Variants in SCD5 observed in about 807,000 individuals in gnomAD.
The protein encoded by SCD5 is acyl-CoA-desaturase 4.
In SCD5, 20 loss-of-function variants were observed where a neutral mutation model predicts 30.4. The observed-to-expected ratio is 0.66, with a 90% CI of 0.46 to 0.96. SCD5 has a LOEUF of 0.96. Ranked by LOEUF, SCD5 falls within the 40% of genes least tolerant of loss-of-function variation. The pLI is 0.00. For synonymous variants in SCD5, 173 were observed against 176.4 expected (o/e 0.98, Z 0.16); for missense variants, 381 against 443.3 (o/e 0.86, Z 1.26).
Position 82,630,071 on chromosome 4 carries a change from G to A in SCD5, c.*1256C>T, listed in dbSNP as rs941854106. 1.3e-5 allele frequency: 2 copies of A among 152,156 alleles called. No homozygotes were observed. Among genetic ancestry groups the A allele is most frequent in the Non-Finnish European group, 2.9e-5 (2 of 68,022 alleles). The allele number at this position is 152,156 out of a possible 1,614,324, so 9.4% of individuals were successfully genotyped here. On this transcript the variant is annotated 3_prime_UTR_variant, in exon 5 of 5. Coordinates refer to ENST00000319540, the MANE Select transcript of SCD5 (RefSeq NM_001037582.3). ...AAATTAGGTGCTTAAACATTTAAACGAGAGCTTAATTTGAGCTTAATTTGA... is the reference window on the plus strand; with the variant it reads ...AAATTAGGTGCTTAAACATTTAAACAAGAGCTTAATTTGAGCTTAATTTGA...
intron 1 of SCD5, among the ~76,000 whole-genome samples, chr4:82,740,145 T>C (rs188484665): frequency 1.9e-4 from 29 of 152,346 alleles, no homozygotes; most frequent in Non-Finnish European, 3.7e-4. Context: ...CTAAGGACTT[T>C]AGCAATTATT....
intron 3 of SCD5, among the ~76,000 whole-genome samples, chr4:82,673,193 T>C (rs1728363312): frequency 6.6e-6 from 1 of 152,124 alleles, no homozygotes; most frequent in Non-Finnish European, 1.5e-5. Flanking sequence ...AAGTAAAAGA[T>C]ATATCGATTG....
At chr4:82,711,064 T>A (rs976738547) in intron 1 of SCD5, among the ~76,000 whole-genome samples, 1 of 152,088 alleles carries the variant, frequency 6.6e-6, no homozygotes, top group Non-Finnish European at 1.5e-5. Flanking sequence ...GCCTCCTGGG[T>A]TTGTTGTAAA....
In SCD5 at chr4:82,772,722, C is replaced by T. The variant is rs1484531203; in HGVS notation, c.232+25584G>A. On this transcript the variant is annotated intron_variant, in intron 1 of 4. Coordinates refer to ENST00000319540, the MANE Select transcript of SCD5 (RefSeq NM_001037582.3). ...GAAGCACCTCTTGTAGGACCCCATG[C>T]GCCCTAGGTGGGGTGCTCCCCCGCT... is the stretch of plus-strand genomic sequence containing the variant. Among the ~76,000 whole-genome samples the T allele has an allele frequency of 2.0e-5, 3 of 152,292 alleles. No homozygotes were observed. In the East Asian group the frequency reaches 5.8e-4, roughly 29 times the overall value.
chr4:82,721,937 C>G (rs908302987), intron 1 of SCD5, among the ~76,000 whole-genome samples: 2 of 152,226 alleles, frequency 1.3e-5, no homozygotes, highest in African/African-American at 4.8e-5. Flanking sequence ...TGGAAGCCAC[C>G]ACTTAACCAA....
intron 1 of SCD5, among the ~76,000 whole-genome samples, chr4:82,724,227 G>A (rs1018507677): frequency 3.9e-5 from 6 of 152,270 alleles, no homozygotes; most frequent in African/African-American, 9.6e-5. Flanking sequence ...AACAAATACC[G>A]AATTTCATCT....
rs112753871 is a variant in SCD5 at position 82,782,000 on chromosome 4, C to T, written c.232+16306G>A. Among the ~76,000 whole-genome samples the T allele has an allele frequency of 2.3e-3, 347 of 152,048 alleles. 4 individuals are homozygous for T. Among genetic ancestry groups the T allele is most frequent in the African/African-American group, 8.1e-3 (337 of 41,466 alleles). ...ATGCAGGTGAGGATTAAGTCCTCCC[C>T]ACCTCTCAGTTGCATTTAACATCTA... On this transcript the variant is annotated intron_variant, in intron 1 of 4. Transcript: ENST00000319540.
chr4:82,721,913 A>G (rs1271409762), intron 1 of SCD5, among the ~76,000 whole-genome samples: 2 of 152,368 alleles, frequency 1.3e-5, no homozygotes, highest in East Asian at 1.9e-4. Context: ...ATAGAATCTT[A>G]CAACGGAAGC....
At chr4:82,753,219 T>A in intron 1 of SCD5, 1 of 423,434 alleles carries the variant, frequency 2.4e-6, no homozygotes, top group Admixed American at 2.5e-5. Context: ...GAGAGTTACC[T>A]GGGGAGCTTT....
At chr4:82,651,899 G>A (rs762907340) in intron 3 of SCD5, among the ~76,000 whole-genome samples, 9 of 152,150 alleles carry the variant, frequency 5.9e-5, no homozygotes, top group Non-Finnish European at 1.2e-4. Flanking sequence ...GGTGACAAGA[G>A]CTAAAACAAA....
At chr4:82,708,686 A>G (rs995444495) in intron 1 of SCD5, among the ~76,000 whole-genome samples, 16 of 152,194 alleles carry the variant, frequency 1.1e-4, no homozygotes, top group African/African-American at 3.6e-4. Flanking sequence ...CATTGTTTTG[A>G]TAATGACTGT....
intron 3 of SCD5, among the ~76,000 whole-genome samples, chr4:82,649,400 A>C (rs1468313258): frequency 6.6e-6 from 1 of 152,192 alleles, no homozygotes; most frequent in Non-Finnish European, 1.5e-5. Flanking sequence ...AATTATAATA[A>C]GGGAAATGAA....
intron 1 of SCD5, among the ~76,000 whole-genome samples, chr4:82,786,091 T>C: frequency 6.6e-6 from 1 of 152,240 alleles, no homozygotes; most frequent in East Asian, 1.9e-4. Context: ...TTTTCCATTA[T>C]CTACCCCTGC....
chr4:82,678,843 T>C (rs1728490404), intron 3 of SCD5, among the ~76,000 whole-genome samples: 1 of 152,214 alleles, frequency 6.6e-6, no homozygotes, highest in Non-Finnish European at 1.5e-5. Flanking sequence ...TTTTCTCTAA[T>C]GACCTTCAAC....
chr4:82,702,287 G>A (rs1406639001), intron 2 of SCD5, among the ~76,000 whole-genome samples: 1 of 151,698 alleles, frequency 6.6e-6, no homozygotes, highest in Admixed American at 6.6e-5. Flanking sequence ...TGGGACTATA[G>A]GCATGCACCA....
chr4:82,762,345 C>T (rs545999725), intron 1 of SCD5, among the ~76,000 whole-genome samples: 12 of 151,872 alleles, frequency 7.9e-5, no homozygotes, highest in Admixed American at 4.6e-4. Context: ...CTCCACCTCC[C>T]GGGTTCAAGC....
rs115285025 is a variant in SCD5 at position 82,631,287 on chromosome 4, G to A, written c.*40C>T. 2,260 of 1,586,976 alleles carry A rather than the reference G, an allele frequency of 1.4e-3. 19 individuals are homozygous for A. The African/African-American group carries it at 0.021, about 15-fold the overall frequency. On this transcript the variant is annotated 3_prime_UTR_variant, in exon 5 of 5. Transcript: ENST00000319540. Reference sequence around the variant, plus strand: ...GCTATTGTAACCAAAGCCATGAACCGAGGTTGCAACGGCAGACATGTGGGA... The same window carrying A: ...GCTATTGTAACCAAAGCCATGAACCAAGGTTGCAACGGCAGACATGTGGGA...
Position 82,636,702 on chromosome 4 carries a change from A to G in SCD5, c.691T>C (p.Ser231Pro). ...FLASILRYTI[S>P]LNISWLVNSA... is the part of the protein sequence containing the mutation. Reference sequence around the variant, plus strand: ...TTGACCAGCCAGCTGATGTTGAGTGAGATGGTATAGCGGAGAATAGAGGCC... The same window carrying G: ...TTGACCAGCCAGCTGATGTTGAGTGGGATGGTATAGCGGAGAATAGAGGCC... The change falls in exon 4 of 5, where the codon TCA (serine) becomes CCA (proline). Residue 231 changes from serine to proline, a missense_variant. By Grantham distance (74) the Ser-to-Pro change is moderately conservative. Transcript: ENST00000319540. The G allele has an allele frequency of 6.2e-7, 1 of 1,614,216 alleles. No homozygotes were observed. Among genetic ancestry groups the G allele is most frequent in the Non-Finnish European group, 8.5e-7 (1 of 1,180,044 alleles).
chr4:82,759,509 C>T (rs866646967), intron 1 of SCD5, among the ~76,000 whole-genome samples: 5 of 152,132 alleles, frequency 3.3e-5, no homozygotes, highest in South Asian at 2.1e-4. Flanking sequence ...CTCAGACAAG[C>T]TCCCTCAACA....
Sources: gnomAD v4.1 joint callset for allele counts (sites outside exome capture counted in the v4.1 genomes callset) on GRCh38, gnomAD v4.1.1 for gene constraint, MANE v1.5 for transcripts, NCBI Gene and HGNC (gene_info 2026-07-23, HGNC 2026-07-21) for gene names.